RNF169: variants seen among roughly 807,000 people sequenced by gnomAD.
The protein encoded by RNF169 is E3 ubiquitin-protein ligase RNF169.
Under a neutral mutation model 53.9 loss-of-function variants are expected in RNF169, and 24 were observed. The observed-to-expected ratio is 0.45, with a 90% CI of 0.32 to 0.63. The LOEUF is 0.63. Among genes scored for constraint, RNF169 ranks in the 20% least tolerant of loss-of-function variants. RNF169 has a pLI of 0.04. For missense variants in RNF169, 883 were observed against 906.2 expected (o/e 0.97, Z 0.33); for synonymous variants, 396 against 363.5 (o/e 1.09, Z -1.02).
At chr11:74,804,793 C>T (rs999319015) in intron 2 of RNF169, among the ~76,000 whole-genome samples, 10 of 151,774 alleles carry the variant, frequency 6.6e-5, no homozygotes, top group Admixed American at 1.3e-4. Flanking sequence ...AACCTATGGA[C>T]GACGTTAAGA....
At position 74,836,860 on chromosome 11, in the gene RNF169, AG is replaced by A; in HGVS notation, c.*133del. On this transcript the variant is annotated 3_prime_UTR_variant, in exon 6 of 6. Coordinates refer to ENST00000299563, the MANE Select transcript of RNF169 (RefSeq NM_001098638.2). ...GTCTAATATGGTTCTGAGAGGTTCC[AG>A]GGCCTTTGTAGTCAATATCCAAGGG... The A allele has an allele frequency of 1.4e-6, 1 of 714,298 alleles. No homozygotes were observed. The highest frequency in any genetic ancestry group is 2.2e-6 in the Non-Finnish European group (1 of 445,050). 44.2% of individuals were successfully genotyped at this position (714,298 alleles called of 1,614,324 possible). A position where few individuals can be genotyped will look rare whatever the true frequency, so the allele number is the denominator to read the frequency against.
chr11:74,762,782 A>T (rs532083218), intron 1 of RNF169, among the ~76,000 whole-genome samples: 97 of 152,366 alleles, frequency 6.4e-4, no homozygotes, highest in African/African-American at 2.3e-3. Flanking sequence ...TTGAATATAC[A>T]GGAAAGATAG....
At chr11:74,789,479 C>A in intron 1 of RNF169, 147 bp from the exon 2 acceptor site, 1 of 497,524 alleles carries the variant, frequency 2.0e-6, no homozygotes, top group Non-Finnish European at 3.6e-6. Context: ...TTTCCTCTAC[C>A]TTTTTGATAG....
intron 1 of RNF169, among the ~76,000 whole-genome samples, chr11:74,771,348 A>G (rs2035257144): frequency 6.6e-6 from 1 of 152,216 alleles, no homozygotes; most frequent in Non-Finnish European, 1.5e-5. Flanking sequence ...ACATGACATG[A>G]CAAGTGGAAA....
chr11:74,828,638 C>T (rs1457244500), intron 4 of RNF169, among the ~76,000 whole-genome samples: 4 of 152,062 alleles, frequency 2.6e-5, no homozygotes, highest in Non-Finnish European at 5.9e-5. Flanking sequence ...GATATTGATA[C>T]AAGAACAGAC....
chr11:74,762,925 G>A (rs1437665452), intron 1 of RNF169, among the ~76,000 whole-genome samples: 1 of 152,164 alleles, frequency 6.6e-6, no homozygotes. Context: ...TTCCTAGCAG[G>A]TTGAGTTTTA....
chr11:74,819,561 T>A (rs1303829134), intron 4 of RNF169, among the ~76,000 whole-genome samples: 1 of 152,216 alleles, frequency 6.6e-6, no homozygotes, highest in Non-Finnish European at 1.5e-5. Flanking sequence ...ATTTGTGGAA[T>A]GTTTGAATAA....
At chr11:74,779,736 C>T (rs985044965) in intron 1 of RNF169, among the ~76,000 whole-genome samples, 12 of 152,036 alleles carry the variant, frequency 7.9e-5, no homozygotes, top group Non-Finnish European at 1.3e-4. Context: ...TGTATTTCTA[C>T]CTTACTACTT....
At chr11:74,750,134 G>C (rs2034864152) in intron 1 of RNF169, among the ~76,000 whole-genome samples, 1 of 152,156 alleles carries the variant, frequency 6.6e-6, no homozygotes, top group Admixed American at 6.5e-5. Flanking sequence ...AAAGTCTGTT[G>C]TAGGACTCTT....
intron 5 of RNF169, among the ~76,000 whole-genome samples, chr11:74,835,202 C>G (rs1036795377): frequency 1.5e-4 from 23 of 152,078 alleles, no homozygotes; most frequent in African/African-American, 5.3e-4. Context: ...CCAGGCTGGT[C>G]TCAAAGTAAT....
At position 74,836,462 on chromosome 11, in the gene RNF169, G is replaced by A. The variant is rs1314439446; in HGVS notation, c.1859G>A (p.Arg620Gln). Residue 620 changes from arginine to glutamine, a missense_variant, in exon 6 of 6, where the codon CGA becomes CAA. Coordinates refer to ENST00000299563, the MANE Select transcript of RNF169 (RefSeq NM_001098638.2). ...GAAGAGCCACTTCCTTCTTTGCGTC[G>A]AGGCCGGAAAAGACACTGCAAGACC... ...LSEEPLPSLRRGRKRHCKTKH... is the reference protein window; with the variant it reads ...LSEEPLPSLRQGRKRHCKTKH... 1.2e-5 allele frequency: 19 copies of A among 1,614,164 alleles called. No individual in the cohort carries two copies. Among genetic ancestry groups the A allele is most frequent in the South Asian group, 8.8e-5 (8 of 91,086 alleles).
At position 74,837,035 on chromosome 11, in the gene RNF169, G is replaced by C. The variant is rs1211149687; in HGVS notation, c.*305G>C. The C allele has an allele frequency of 1.6e-5, 4 of 243,570 alleles. No homozygotes were observed. The highest frequency in any genetic ancestry group is 5.0e-5 in the Admixed American group (1 of 19,892). 15.1% of individuals were successfully genotyped at this position (243,570 alleles called of 1,614,324 possible). On this transcript the variant is annotated 3_prime_UTR_variant, in exon 6 of 6. Coordinates refer to ENST00000299563, the MANE Select transcript of RNF169 (RefSeq NM_001098638.2). ...TGGCCACAGTTAGTAATGGTAAAGAGGGGATACCTTCTTAAACTGATAGAC... is the reference window on the plus strand; with the variant it reads ...TGGCCACAGTTAGTAATGGTAAAGACGGGATACCTTCTTAAACTGATAGAC...
At chr11:74,769,438 G>A (rs1591393670) in intron 1 of RNF169, among the ~76,000 whole-genome samples, 1 of 152,242 alleles carries the variant, frequency 6.6e-6, no homozygotes, top group East Asian at 1.9e-4. Context: ...ATCTAGTAAG[G>A]TTGAAGAGAT....
intron 3 of RNF169, among the ~76,000 whole-genome samples, chr11:74,810,540 G>GA (rs2035861256): frequency 6.6e-6 from 1 of 152,152 alleles, no homozygotes; most frequent in South Asian, 2.1e-4. Flanking sequence ...GAAGATTAAG[G>GA]AACAGTGGGA....
chr11:74,792,897 C>T (rs1301784746), intron 2 of RNF169, among the ~76,000 whole-genome samples: 1 of 152,096 alleles, frequency 6.6e-6, no homozygotes. Flanking sequence ...TATCATTTGG[C>T]TTAAATAAAA....
At chr11:74,833,158 T>TA (rs1375044013) in intron 4 of RNF169, among the ~76,000 whole-genome samples, 1 of 152,134 alleles carries the variant, frequency 6.6e-6, no homozygotes, top group East Asian at 1.9e-4. Context: ...AACACAGAAA[T>TA]ACTGGAATAG....
intron 3 of RNF169, among the ~76,000 whole-genome samples, chr11:74,812,025 G>C (rs569218829): frequency 8.5e-5 from 13 of 152,322 alleles, no homozygotes; most frequent in Non-Finnish European, 1.2e-4. Context: ...ATGGTCCTTT[G>C]ATAGAAATAA....
intron 4 of RNF169, among the ~76,000 whole-genome samples, chr11:74,822,366 C>G (rs1420478463): frequency 6.6e-6 from 1 of 152,128 alleles, no homozygotes; most frequent in Non-Finnish European, 1.5e-5. Context: ...GTTTGTAAAT[C>G]AAACTCATTG....
chr11:74,765,214 A>G (rs2035153756), intron 1 of RNF169, among the ~76,000 whole-genome samples: 1 of 152,202 alleles, frequency 6.6e-6, no homozygotes, highest in Admixed American at 6.5e-5. Flanking sequence ...GTCTCAACGA[A>G]TGGGGTTAAT....
Sources: allele counts gnomAD v4.1 joint callset (sites outside exome capture counted in the v4.1 genomes callset), GRCh38; gene constraint gnomAD v4.1.1; transcripts MANE v1.5; gene names NCBI Gene and HGNC (gene_info 2026-07-23, HGNC 2026-07-21).